The following ADGRF5 variants were observed in gnomAD, a reference collection of about 807,000 sequenced individuals.
ADGRF5 encodes the protein adhesion G protein-coupled receptor F5, also known as G-protein coupled receptor 116.
In ADGRF5, 75 loss-of-function variants were observed where a neutral mutation model predicts 132.3. The observed-to-expected ratio is 0.57, with a 90% confidence interval of 0.47 to 0.69. The LOEUF (loss-of-function observed/expected upper bound fraction) is 0.69, where lower values mean the gene tolerates loss of function less well. Among genes scored for constraint, ADGRF5 ranks in the 30% least tolerant of loss-of-function variants. The pLI, the probability that ADGRF5 is intolerant of heterozygous loss-of-function variation, is 0.00. For synonymous variants in ADGRF5, 629 were observed against 597.6 expected (o/e 1.05, Z -0.77); for missense variants, 1,516 against 1,630.6 (o/e 0.93, Z 1.21).
At chr6:46,869,956 A>T (rs553849637) in intron 11 of ADGRF5, among the ~76,000 whole-genome samples, 26 of 152,126 alleles carry the variant, frequency 1.7e-4, no homozygotes, top group African/African-American at 6.3e-4. Context: ...AGACTATTAC[A>T]AATATAAAAT....
chr6:46,895,291 C>T (rs754829802), intron 3 of ADGRF5, among the ~76,000 whole-genome samples: 3 of 151,814 alleles, frequency 2.0e-5, no homozygotes, highest in Non-Finnish European at 2.9e-5. Context: ...CAAAACACTC[C>T]CAACATTAAA....
chr6:46,855,828 G>A (rs1009395236), intron 20 of ADGRF5, 146 bp downstream of exon 20: 3 of 626,450 alleles, frequency 4.8e-6, no homozygotes, highest in African/African-American at 3.7e-5. Context: ...TTGTGAAAAT[G>A]TAAGTTCCTC....
upstream of ADGRF5, among the ~76,000 whole-genome samples, chr6:46,924,612 G>T (rs572582739): frequency 5.9e-5 from 9 of 152,214 alleles, no homozygotes; most frequent in South Asian, 1.9e-3. Context: ...CCTCTCACCT[G>T]AATTCCTGAC....
chr6:46,861,928 T>C (rs552583227), intron 15 of ADGRF5, among the ~76,000 whole-genome samples: 8 of 152,318 alleles, frequency 5.3e-5, no homozygotes, highest in African/African-American at 1.9e-4. Context: ...CCAGCTCAGA[T>C]GCCTATTTTT....
intron 1 of ADGRF5, among the ~76,000 whole-genome samples, chr6:46,946,376 T>A (rs147615442): frequency 8.1e-4 from 124 of 152,292 alleles, no homozygotes; most frequent in African/African-American, 2.9e-3. Context: ...GCAAAAGCAT[T>A]TGCTGAGGTA....
In ADGRF5 at chr6:46,858,877, C is replaced by A. The variant is rs375034218; in HGVS notation, c.3026G>T (p.Gly1009Val). ...ATAAGAAATAATATCCAGGAGTATTCCCAGGAGAGAACTAGGATCTGGGGA... is the reference window on the plus strand; with the variant it reads ...ATAAGAAATAATATCCAGGAGTATTACCAGGAGAGAACTAGGATCTGGGGA... ...PDSPDPSSLL[G>V]ILLDIISYVG... is the part of the protein sequence containing the mutation. The change falls in exon 17 of 21, where the codon GGA becomes GTA. Residue 1009 changes from glycine to valine, a missense_variant. Around this residue, in one of 2 missense-constraint regions of ADGRF5, gnomAD observed 571 missense variants for 701.2 expected, o/e 0.81. Coordinates refer to ENST00000283296, the MANE Select transcript of ADGRF5 (RefSeq NM_001098518.2). 7 of 1,613,938 alleles carry A rather than the reference C, an allele frequency of 4.3e-6. No individual in the cohort carries two copies. The highest frequency in any genetic ancestry group is 5.9e-6 in the Non-Finnish European group (7 of 1,179,976).
intron 9 of ADGRF5, among the ~76,000 whole-genome samples, chr6:46,879,411 C>T (rs1208220432): frequency 6.6e-6 from 1 of 152,002 alleles, no homozygotes; most frequent in Non-Finnish European, 1.5e-5. Context: ...ATGCTGTTCT[C>T]ATGATAGGGA....
intron 10 of ADGRF5, among the ~76,000 whole-genome samples, chr6:46,877,306 T>TTCCTTCCTTCCTTCCTTCC (rs1562175084): frequency 6.5e-5 from 5 of 77,190 alleles, no homozygotes; most frequent in African/African-American, 2.3e-4. Context: ...TCTCTCTCTC[T>TTCCTTCCTTCCTTCCTTCC]TTCCTTCCTT....
At chr6:46,908,089 GCTGACAACTGCCACC>G (rs1775578490) in intron 1 of ADGRF5, 1 of 152,186 alleles carries the variant, frequency 6.6e-6, no homozygotes, top group Non-Finnish European at 1.5e-5. Context: ...TCAATTGCCA[GCTGACAACTGCCACC>G]TTTTCCTCTT....
chr6:46,929,548 A>G (rs1777452597), intron 1 of ADGRF5, among the ~76,000 whole-genome samples: 2 of 151,400 alleles, frequency 1.3e-5, no homozygotes, highest in Admixed American at 1.3e-4. Flanking sequence ...GAAAAAAAAA[A>G]AAAGATATCC....
At chr6:46,873,508 GC>G (rs1457153276) in intron 10 of ADGRF5, among the ~76,000 whole-genome samples, 1 of 151,558 alleles carries the variant, frequency 6.6e-6, no homozygotes, top group African/African-American at 2.4e-5. Context: ...GATGTCTCCC[GC>G]CCCTCTTTTC....
chr6:46,923,349 A>G (rs999705558), upstream of ADGRF5, among the ~76,000 whole-genome samples: 5 of 152,196 alleles, frequency 3.3e-5, no homozygotes, highest in African/African-American at 9.7e-5. Flanking sequence ...CTGGGCTCCA[A>G]TGCCTCCAAG....
At chr6:46,929,243 C>G (rs1178666111) in intron 1 of ADGRF5, among the ~76,000 whole-genome samples, 2 of 151,404 alleles carry the variant, frequency 1.3e-5, no homozygotes, top group Admixed American at 1.3e-4. Context: ...ATCGCAAGGA[C>G]AAAAAACCAA....
chr6:46,865,322 T>C lies in ADGRF5; in HGVS notation c.1835-125A>G, dbSNP rs180944961. ...CCCGAGGAATGTGCCACATTCATTT[T>C]TAACAGGTTTTACCTCTGGGTTTTG... On this transcript the variant is annotated intron_variant, in intron 13 of 20. Transcript: ENST00000283296. 74 of 657,648 alleles carry C rather than the reference T, an allele frequency of 1.1e-4. 1 individual carries two copies. In the East Asian group the frequency reaches 1.6e-3, roughly 14 times the overall value. 40.7% of individuals were successfully genotyped at this position (657,648 alleles called of 1,614,324 possible).
At chr6:46,915,579 C>T (rs1776354595) in intron 1 of ADGRF5, among the ~76,000 whole-genome samples, 1 of 152,116 alleles carries the variant, frequency 6.6e-6, no homozygotes, top group Non-Finnish European at 1.5e-5. Flanking sequence ...CCTTTATGGC[C>T]CCCATCCATT....
intron 14 of ADGRF5, among the ~76,000 whole-genome samples, chr6:46,863,490 G>A (rs140848988): frequency 6.4e-4 from 97 of 152,308 alleles, no homozygotes; most frequent in Admixed American, 5.1e-3. Flanking sequence ...GTGCTGTCAA[G>A]GTTGAGAATC....
chr6:46,927,664 C>A (rs528955415), intron 1 of ADGRF5, among the ~76,000 whole-genome samples: 1 of 152,328 alleles, frequency 6.6e-6, no homozygotes, highest in South Asian at 2.1e-4. Context: ...CGCAAGCCAG[C>A]AACAGAATTT....
At chr6:46,887,525 C>A (rs539737253) in intron 4 of ADGRF5, among the ~76,000 whole-genome samples, 7 of 152,134 alleles carry the variant, frequency 4.6e-5, no homozygotes, top group African/African-American at 1.7e-4. Flanking sequence ...GATAAGGGAG[C>A]TATGACTTCG....
chr6:46,941,415 A>AGAAAAGAAAAGAAAAGAAAAGAAAAG (rs1778058532), intron 1 of ADGRF5, among the ~76,000 whole-genome samples: 2 of 43,434 alleles, frequency 4.6e-5, no homozygotes, highest in African/African-American at 1.8e-4. Context: ...AGAAAAGAAA[A>AGAAAAGAAAAGAAAAGAAAAGAAAAG]GAAAAGAAAA....
Sources: allele counts gnomAD v4.1 joint callset (sites outside exome capture counted in the v4.1 genomes callset), GRCh38; gene constraint gnomAD v4.1.1; regional missense constraint gnomAD v4.1.1; transcripts MANE v1.5; gene names NCBI Gene and HGNC (gene_info 2026-07-23, HGNC 2026-07-21).